Variants in KASH5 observed in about 807,000 individuals in gnomAD.
KASH5 encodes KASH domain containing 5, also known as protein KASH5.
A neutral mutation model predicts 84.2 loss-of-function variants in KASH5; 72 were observed. The ratio of observed to expected loss-of-function variants is 0.85; its 90% CI spans 0.71 to 1.04. KASH5 has a LOEUF of 1.04. KASH5 is among the 50% of genes least tolerant of loss of function. KASH5 has a pLI of 0.00. For synonymous variants in KASH5, 260 were observed against 279.1 expected (o/e 0.93, Z 0.68); for missense variants, 650 against 701.0 (o/e 0.93, Z 0.82).
At chr19:49,411,115 T>A (rs2122211073) in intron 15 of KASH5, among the ~76,000 whole-genome samples, 1 of 152,042 alleles carries the variant, frequency 6.6e-6, no homozygotes, top group African/African-American at 2.4e-5. Context: ...AAATTTTCTA[T>A]TTTTTGTAGA....
Position 49,414,082 on chromosome 19 carries a change from A to G in KASH5, c.1329-869A>G, listed in dbSNP as rs924254464. ...GGGCAGCTTGAGGCCTGAGTCCCCA[A>G]AGCAGCATTTCAGGGACTCAGATGG... is the stretch of plus-strand genomic sequence containing the variant. On this transcript the variant is annotated intron_variant, in intron 16 of 19. Coordinates refer to ENST00000447857, the MANE Select transcript of KASH5 (RefSeq NM_144688.5). This position sits in a 1 kb window ranked among gnomAD's most constrained non-coding sequence, Gnocchi z 4.5. Among the ~76,000 whole-genome samples, 11 of 151,982 alleles carry G rather than the reference A, an allele frequency of 7.2e-5. No homozygotes were observed. Among genetic ancestry groups the G allele is most frequent in the Non-Finnish European group, 1.2e-4 (8 of 67,972 alleles).
At chr19:49,409,689 T>C in intron 14 of KASH5, 64 bp from the exon 15 acceptor site, 1 of 1,605,450 alleles carries the variant, frequency 6.2e-7, no homozygotes, top group East Asian at 2.2e-5. Context: ...CCTATTTCTA[T>C]CTCTGACCTT....
Position 49,394,461 on chromosome 19 carries a change from C to G in KASH5, c.44-15C>G. Reference sequence around the variant, plus strand: ...ATTCTTCCCACTGGTGAGCTGAGCCCTCTTGTCTCCCCAGTGTACCTCCGG... The same window carrying G: ...ATTCTTCCCACTGGTGAGCTGAGCCGTCTTGTCTCCCCAGTGTACCTCCGG... On this transcript the variant is annotated splice_polypyrimidine_tract_variant and intron_variant, in intron 2 of 19. Transcript: ENST00000447857. 1.2e-6 allele frequency: 2 copies of G among 1,607,040 alleles called. No individual in the cohort carries two copies. The highest frequency in any genetic ancestry group is 1.7e-6 in the Non-Finnish European group (2 of 1,173,754).
At chr19:49,402,816 G>C (rs1242665213) in intron 9 of KASH5, among the ~76,000 whole-genome samples, 1 of 152,162 alleles carries the variant, frequency 6.6e-6, no homozygotes, top group Non-Finnish European at 1.5e-5. Context: ...TGGATAATAT[G>C]GCCACTAATG....
At position 49,416,244 on chromosome 19, in the gene KASH5, G is replaced by A. The variant is rs1464210918; in HGVS notation, c.1375-771G>A. 6.6e-6 allele frequency among the ~76,000 whole-genome samples: 1 copy of A among 152,204 alleles called. No individual in the cohort carries two copies. Among genetic ancestry groups the A allele is most frequent in the African/African-American group, 2.4e-5 (1 of 41,456 alleles). On this transcript the variant is annotated intron_variant, in intron 17 of 19. Coordinates refer to ENST00000447857, the MANE Select transcript of KASH5 (RefSeq NM_144688.5). The surrounding 1 kb of genome is among the most constrained non-coding windows in gnomAD (Gnocchi z 5.4). ...AGTCTTGCTCTGTCGCCAGGCTGGAGTGCAGTGGTGCGATCTCGGCTCACT... is the reference window on the plus strand; with the variant it reads ...AGTCTTGCTCTGTCGCCAGGCTGGAATGCAGTGGTGCGATCTCGGCTCACT...
At chr19:49,400,576 A>G (rs1030132190) in intron 9 of KASH5, among the ~76,000 whole-genome samples, 2 of 151,276 alleles carry the variant, frequency 1.3e-5, no homozygotes, top group African/African-American at 4.9e-5. Flanking sequence ...TTTAGTAGAG[A>G]CGGGGTTTTT....
At chr19:49,391,983 G>C (rs1974017921) in intron 2 of KASH5, among the ~76,000 whole-genome samples, 1 of 152,210 alleles carries the variant, frequency 6.6e-6, no homozygotes, top group South Asian at 2.1e-4. Context: ...TTCCAGATAG[G>C]AGGGTCAGAG....
intron 16 of KASH5, among the ~76,000 whole-genome samples, chr19:49,413,570 C>T (rs1003630547): frequency 1.3e-5 from 2 of 152,186 alleles, no homozygotes; most frequent in African/African-American, 4.8e-5. Flanking sequence ...CCTGCCAAGG[C>T]CTCTAATTGG....
At chr19:49,404,253 G>C (rs1040734738) in intron 9 of KASH5, among the ~76,000 whole-genome samples, 1 of 152,162 alleles carries the variant, frequency 6.6e-6, no homozygotes, top group Admixed American at 6.5e-5. Context: ...CAAGAGGAGG[G>C]GCGTGGTGAA....
intron 9 of KASH5, among the ~76,000 whole-genome samples, chr19:49,402,173 C>T (rs908460340): frequency 6.6e-6 from 1 of 151,526 alleles, no homozygotes; most frequent in Non-Finnish European, 1.5e-5. Flanking sequence ...ACCCAGGAGG[C>T]AGAGGTTGCA....
chr19:49,399,463 G>A lies in KASH5; in HGVS notation c.754G>A (p.Glu252Lys), dbSNP rs1387466760. Residue 252 changes from glutamate to lysine, a missense_variant, in exon 9 of 20, where the codon GAG (glutamate) becomes AAG (lysine). Glu to Lys is a moderately conservative substitution (Grantham distance 56). Coordinates refer to ENST00000447857, the MANE Select transcript of KASH5 (RefSeq NM_144688.5). This position sits in a 1 kb window ranked among gnomAD's most constrained non-coding sequence, Gnocchi z 4.4. ...LLAQARQAEK[E>K]QQHLVAEMET... Reference sequence around the variant, plus strand: ...TCTCTCTGGGGTTGGTCAGGAAAAGGAGCAGCAGCATCTGGTGGCTGAGAT... The same window carrying A: ...TCTCTCTGGGGTTGGTCAGGAAAAGAAGCAGCAGCATCTGGTGGCTGAGAT... 6.2e-7 allele frequency: 1 copy of A among 1,611,462 alleles called. No individual in the cohort carries two copies. The highest frequency in any genetic ancestry group is 8.5e-7 in the Non-Finnish European group (1 of 1,178,954).
At chr19:49,404,459 C>T (rs1600927124) in intron 9 of KASH5, among the ~76,000 whole-genome samples, 2 of 152,176 alleles carry the variant, frequency 1.3e-5, no homozygotes, top group African/African-American at 2.4e-5. Context: ...AGCTAACTGC[C>T]CTCAGCCTTG....
In KASH5 at chr19:49,400,353, CTT is replaced by C. The variant is rs36066335; in HGVS notation, c.798+859_798+860del. Among the ~76,000 whole-genome samples the C allele has an allele frequency of 1.8e-3, 229 of 124,208 alleles. 1 individual carries two copies. Among genetic ancestry groups the C allele is most frequent in the African/African-American group, 6.0e-3 (198 of 32,822 alleles). The allele number at this position is 124,208 out of a possible 152,430, so 81.5% of individuals were successfully genotyped here. Reference sequence around the variant, plus strand: ...CTTCTCAAGCCTTTACTTTTAGTTTCTTTTTTTTTTTTTTCTTTTTTTTTTTT... The same window carrying C: ...CTTCTCAAGCCTTTACTTTTAGTTTCTTTTTTTTTTTTCTTTTTTTTTTTT... On this transcript the variant is annotated intron_variant, in intron 9 of 19. Coordinates refer to ENST00000447857, the MANE Select transcript of KASH5 (RefSeq NM_144688.5).
rs1289733183 is a variant in KASH5 at position 49,417,206 on chromosome 19, A to C, written c.1487A>C (p.Lys496Thr). ...CAAGCCCTGGTGCCTGTGATGAAAA[A>C]GCTGGTCCCAGTCAGGAGGAGGGCC... ...LQQALVPVMK[K>T]LVPVRRRAWG... The change falls in exon 19 of 20, where the codon AAG becomes ACG. Residue 496 changes from lysine to threonine, a missense_variant. By Grantham distance (78) the Lys-to-Thr change is moderately conservative. Coordinates refer to ENST00000447857, the MANE Select transcript of KASH5 (RefSeq NM_144688.5). This position sits in a 1 kb window ranked among gnomAD's most constrained non-coding sequence, Gnocchi z 5.2. 1 of 1,613,764 alleles carries C rather than the reference A, an allele frequency of 6.2e-7. No individual in the cohort carries two copies. The highest frequency in any genetic ancestry group is 8.5e-7 in the Non-Finnish European group (1 of 1,179,856).
At chr19:49,406,110 A>G (rs1464677095) in intron 9 of KASH5, among the ~76,000 whole-genome samples, 1 of 150,004 alleles carries the variant, frequency 6.7e-6, no homozygotes, top group Non-Finnish European at 1.5e-5. Flanking sequence ...CCTGGGCAAC[A>G]AAAGCAAAAC....
chr19:49,396,436 T>C (rs1458587432), intron 5 of KASH5, among the ~76,000 whole-genome samples: 1 of 152,120 alleles, frequency 6.6e-6, no homozygotes, highest in African/African-American at 2.4e-5. Flanking sequence ...GTATTTTTCA[T>C]AGAGACGAGG....
chr19:49,402,907 A>AGAAGAAGGTCTCTGG (rs1974407191), intron 9 of KASH5, among the ~76,000 whole-genome samples: 1 of 150,294 alleles, frequency 6.7e-6, no homozygotes, highest in African/African-American at 2.5e-5. Flanking sequence ...CCAGAGGTTT[A>AGAAGAAGGTCTCTGG]GAAGAAGGTG....
intron 15 of KASH5, 49 bp downstream of exon 15, chr19:49,409,924 A>G (rs1160733205): frequency 6.2e-7 from 1 of 1,602,012 alleles, no homozygotes; most frequent in East Asian, 2.2e-5. Context: ...AGGGGCCAGG[A>G]GCTCCAGGTG....
In KASH5 at chr19:49,409,334, C is replaced by T. The variant is rs1974637733; in HGVS notation, c.1146+51C>T. The T allele has an allele frequency of 2.6e-6, 4 of 1,559,148 alleles. No individual in the cohort carries two copies. The South Asian group carries it at 4.6e-5, about 18-fold the overall frequency. On this transcript the variant is annotated intron_variant, in intron 14 of 19. Transcript: ENST00000447857. ...CTGCAGGCCACCAAGGCAGAATCTC[C>T]AAACATCTCCCTACTCTGATCCTCA...
Sources: allele counts gnomAD v4.1 joint callset (sites outside exome capture counted in the v4.1 genomes callset), GRCh38; gene constraint gnomAD v4.1.1; non-coding constraint Gnocchi (gnomAD v3.1); transcripts MANE v1.5; gene names NCBI Gene and HGNC (gene_info 2026-07-23, HGNC 2026-07-21).